The following STXBP5L variants were observed in gnomAD, a reference collection of about 807,000 sequenced individuals.
STXBP5L encodes the protein syntaxin binding protein 5L.
In STXBP5L, 65 loss-of-function variants were observed where a neutral mutation model predicts 144.5. The ratio of observed to expected loss-of-function variants is 0.45; its 90% confidence interval spans 0.37 to 0.55. The LOEUF is 0.55. Ranked by LOEUF, STXBP5L falls within the 20% of genes least tolerant of loss-of-function variation. STXBP5L has a pLI of 0.00. For missense variants in STXBP5L, 1,298 were observed against 1,405.5 expected, an observed-to-expected ratio of 0.92 and a Z score of 1.22; for synonymous variants, 505 against 469.6, an observed-to-expected ratio of 1.08 and a Z score of -0.97.
At position 121,222,989 on chromosome 3, in the gene STXBP5L, T is replaced by G. The variant is rs1559881611; in HGVS notation, c.957-14T>G. On this transcript the variant is annotated splice_polypyrimidine_tract_variant and intron_variant, in intron 10 of 26. Coordinates refer to ENST00000471454, the MANE Select transcript of STXBP5L (RefSeq NM_001308330.2). ...AAGGACTTCTGAGTCTCATTCATGT[T>G]TTTTCCTATGTAGCGAACCATTCAT... 1 of 1,587,058 alleles carries G rather than the reference T, an allele frequency of 6.3e-7. No individual in the cohort carries two copies. The highest frequency in any genetic ancestry group is 8.5e-7 in the Non-Finnish European group (1 of 1,170,642).
intron 5 of STXBP5L, among the ~76,000 whole-genome samples, chr3:121,080,364 T>G (rs1459167099): frequency 2.0e-5 from 3 of 152,206 alleles, no homozygotes; most frequent in Non-Finnish European, 1.5e-5. Flanking sequence ...CTATTCATCA[T>G]GTTAGTTGCC....
Position 121,055,179 on chromosome 3 carries a change from G to A in STXBP5L, c.470+9644G>A, listed in dbSNP as rs540119952. 3.7e-4 allele frequency among the ~76,000 whole-genome samples: 56 copies of A among 152,234 alleles called. 1 individual carries two copies. In the South Asian group the frequency reaches 0.011, roughly 31 times the overall value. ...AAGAAAGATACATACATATTGTCAT[G>A]TAACATGAGAATATTCATTATGATC... is the stretch of plus-strand genomic sequence containing the variant. On this transcript the variant is annotated intron_variant, in intron 5 of 26. Transcript: ENST00000471454.
intron 3 of STXBP5L, among the ~76,000 whole-genome samples, chr3:120,977,245 T>A (rs369863180): frequency 2.0e-5 from 3 of 152,342 alleles, no homozygotes; most frequent in Admixed American, 6.5e-5. Flanking sequence ...TGGGTGCATA[T>A]ATATTTAGGA....
intron 20 of STXBP5L, among the ~76,000 whole-genome samples, chr3:121,362,820 A>G (rs1219884946): frequency 6.6e-6 from 1 of 152,052 alleles, no homozygotes; most frequent in Non-Finnish European, 1.5e-5. Context: ...CCCCATAGCC[A>G]CCACAGCTGA....
rs553402213 is a variant in STXBP5L, at chr3:121,283,857, C to T, written c.2110+3901C>T. Among the ~76,000 whole-genome samples the T allele has an allele frequency of 2.6e-5, 4 of 151,062 alleles. No individual in the cohort carries two copies. The East Asian group carries it at 5.8e-4, about 22-fold the overall frequency. ...TTCAGATTTCAGAATCCCAGTTTAGCCTTCTGAAGGTAGGATCTCCTACAT... is the reference window on the plus strand; with the variant it reads ...TTCAGATTTCAGAATCCCAGTTTAGTCTTCTGAAGGTAGGATCTCCTACAT... On this transcript the variant is annotated intron_variant, in intron 19 of 26. Coordinates refer to ENST00000471454, the MANE Select transcript of STXBP5L (RefSeq NM_001308330.2).
At chr3:121,297,758 C>A (rs1055837635) in intron 19 of STXBP5L, among the ~76,000 whole-genome samples, 1 of 151,952 alleles carries the variant, frequency 6.6e-6, no homozygotes. Flanking sequence ...TGCTCCCAAC[C>A]GCCAAAAGAA....
At chr3:121,032,549 A>G (rs1174997348) in intron 3 of STXBP5L, among the ~76,000 whole-genome samples, 1 of 150,512 alleles carries the variant, frequency 6.6e-6, no homozygotes, top group Non-Finnish European at 1.5e-5. Flanking sequence ...AGCAATGGCA[A>G]CAAAAGCCAA....
In STXBP5L at chr3:121,186,618, C is replaced by A. The variant is rs1265750184; in HGVS notation, c.878-19305C>A. Among the ~76,000 whole-genome samples the A allele has an allele frequency of 2.0e-5, 3 of 152,244 alleles. No homozygotes were observed. In the East Asian group the frequency reaches 5.8e-4, roughly 29 times the overall value. On this transcript the variant is annotated intron_variant, in intron 9 of 26. Coordinates refer to ENST00000471454, the MANE Select transcript of STXBP5L (RefSeq NM_001308330.2). Reference sequence around the variant, plus strand: ...CATTTTTTGATTTTCATATGTTGAACCAGCCTTGCATCCCAGGGATGAAGC... The same window carrying A: ...CATTTTTTGATTTTCATATGTTGAAACAGCCTTGCATCCCAGGGATGAAGC...
In STXBP5L at chr3:121,344,660, G is replaced by A. The variant is rs1038863564; in HGVS notation, c.2176+26120G>A. Reference sequence around the variant, plus strand: ...TGTAATTTTAAAAATTGAAATATAGGAGGCAAAGAGGAGGTTAAAGTACCC... The same window carrying A: ...TGTAATTTTAAAAATTGAAATATAGAAGGCAAAGAGGAGGTTAAAGTACCC... On this transcript the variant is annotated intron_variant, in intron 20 of 26. Coordinates refer to ENST00000471454, the MANE Select transcript of STXBP5L (RefSeq NM_001308330.2). Among the ~76,000 whole-genome samples, 15 of 152,028 alleles carry A rather than the reference G, an allele frequency of 9.9e-5. No homozygotes were observed. The East Asian group carries it at 2.9e-3, about 29-fold the overall frequency.
intron 22 of STXBP5L, among the ~76,000 whole-genome samples, chr3:121,385,904 A>G (rs1324899085): frequency 6.6e-6 from 1 of 152,198 alleles, no homozygotes; most frequent in East Asian, 1.9e-4. Context: ...TATGGATATA[A>G]TATAAAACTG....
chr3:120,976,504 T>A (rs895015603), intron 3 of STXBP5L, among the ~76,000 whole-genome samples: 3 of 152,164 alleles, frequency 2.0e-5, no homozygotes, highest in Admixed American at 6.5e-5. Context: ...AGCTCCTGGG[T>A]TCATTAATTT....
chr3:120,987,232 C>T (rs1182607369), intron 3 of STXBP5L, among the ~76,000 whole-genome samples: 3 of 151,950 alleles, frequency 2.0e-5, no homozygotes, highest in Admixed American at 6.6e-5. Flanking sequence ...CAATTTTGTT[C>T]CCACCAGCAG....
chr3:121,076,610 G>A (rs894705393), intron 5 of STXBP5L, among the ~76,000 whole-genome samples: 2 of 152,000 alleles, frequency 1.3e-5, no homozygotes, highest in South Asian at 2.1e-4. Flanking sequence ...TCCAAGCCTG[G>A]TGACCACCCA....
intron 20 of STXBP5L, among the ~76,000 whole-genome samples, chr3:121,366,021 C>T (rs1266941457): frequency 6.6e-6 from 1 of 151,794 alleles, no homozygotes; most frequent in Non-Finnish European, 1.5e-5. Flanking sequence ...CTGCCTTGAT[C>T]CATTGGTTAA....
intron 5 of STXBP5L, among the ~76,000 whole-genome samples, chr3:121,095,365 A>G (rs544336477): frequency 7.1e-4 from 108 of 152,278 alleles, no homozygotes; most frequent in African/African-American, 2.6e-3. Flanking sequence ...CTCTTGGATA[A>G]TAACCTGCAG....
chr3:121,030,135 C>T (rs1226787168), intron 3 of STXBP5L, among the ~76,000 whole-genome samples: 2 of 152,122 alleles, frequency 1.3e-5, no homozygotes, highest in South Asian at 2.1e-4. Context: ...CCTCAAGGAT[C>T]TAGAACCAGA....
At chr3:121,099,463 G>A (rs912912783) in intron 5 of STXBP5L, 1 of 152,230 alleles carries the variant, frequency 6.6e-6, no homozygotes, top group Non-Finnish European at 1.5e-5. Flanking sequence ...CTCTGTGATT[G>A]TAAGAATTGT....
chr3:121,352,697 G>A (rs1576260013), intron 20 of STXBP5L, among the ~76,000 whole-genome samples: 1 of 152,014 alleles, frequency 6.6e-6, no homozygotes, highest in African/African-American at 2.4e-5. Flanking sequence ...TGATTGCCCT[G>A]GCCAGAACTT....
chr3:120,959,933 C>T (rs1343877776), intron 3 of STXBP5L, among the ~76,000 whole-genome samples: 1 of 152,138 alleles, frequency 6.6e-6, no homozygotes, highest in African/African-American at 2.4e-5. Flanking sequence ...AGAGCTTCTA[C>T]ACAGCAAAAG....
Sources: gnomAD v4.1 joint callset for allele counts (sites outside exome capture counted in the v4.1 genomes callset) on GRCh38, gnomAD v4.1.1 for gene constraint, MANE v1.5 for transcripts, NCBI Gene and HGNC (gene_info 2026-07-23, HGNC 2026-07-21) for gene names.